STK11IP: variants seen among roughly 807,000 people sequenced by gnomAD.
STK11IP encodes serine/threonine kinase 11 interacting protein, also known as serine/threonine-protein kinase 11-interacting protein.
STK11IP carries 103 observed loss-of-function variants against 131.7 expected under a neutral mutation model. The ratio of observed to expected loss-of-function variants is 0.78; its 90% CI spans 0.67 to 0.92. STK11IP has a LOEUF of 0.92. STK11IP is among the 40% of genes least tolerant of loss of function. The pLI is 0.00. For missense variants in STK11IP, 1,315 were observed against 1,385.7 expected (o/e 0.95, Z 0.81); for synonymous variants, 557 against 575.6 (o/e 0.97, Z 0.46).
Position 219,607,063 on chromosome 2 carries a change from G to T in STK11IP, c.1145G>T (p.Arg382Leu), listed in dbSNP as rs17855575. 3.1e-6 allele frequency: 5 copies of T among 1,613,896 alleles called. No homozygotes were observed. The highest frequency in any genetic ancestry group is 1.3e-5 in the African/African-American group (1 of 75,042). ...CTCCACCAACCTCAGAGCCGAGTCC[G>T]TGTGAGGCGGGCAAGCATCTCTGAA... Reference protein sequence around the residue: ...PLLHKVKSRVRVRRASISEPS... With the variant: ...PLLHKVKSRVLVRRASISEPS... Residue 382 changes from arginine to leucine, a missense_variant, in exon 13 of 25, where the codon CGT becomes CTT. By Grantham distance (102) the Arg-to-Leu change is moderately radical. Coordinates refer to ENST00000456909, the MANE Select transcript of STK11IP (RefSeq NM_052902.4).
Position 219,614,249 on chromosome 2 carries a change from C to G in STK11IP, c.2798+7C>G. On this transcript the variant is annotated splice_region_variant and intron_variant, in intron 22 of 24. Transcript: ENST00000456909. ...CCCCCCAGCACCGGCTCTGGTGAGT[C>G]GATAGGAGGCAGAGGCTGGGGTTGC... 1.9e-6 allele frequency: 3 copies of G among 1,613,088 alleles called. No homozygotes were observed. Among genetic ancestry groups the G allele is most frequent in the African/African-American group, 1.3e-5 (1 of 75,018 alleles).
At chr2:219,601,744 A>C in intron 4 of STK11IP, 29 bp downstream of exon 4, 1 of 1,577,772 alleles carries the variant, frequency 6.3e-7, no homozygotes, top group Non-Finnish European at 8.6e-7. Flanking sequence ...ATGTTGGTGC[A>C]CAGCACCCAA....
At position 219,616,376 on chromosome 2, in the gene STK11IP, G is replaced by A. The variant is rs911681443; in HGVS notation, c.*183G>A. On this transcript the variant is annotated 3_prime_UTR_variant, in exon 25 of 25. Transcript: ENST00000456909. ...GCGAGAGAATGATCTGGCCTCAGGG[G>A]ACAGGCCACCTGGTCAGGAGGAATA... is the stretch of plus-strand genomic sequence containing the variant. The A allele has an allele frequency of 1.5e-4, 105 of 711,534 alleles. No individual in the cohort carries two copies. Among genetic ancestry groups the A allele is most frequent in the Admixed American group, 1.1e-3 (38 of 33,324 alleles). The allele number at this position is 711,534 out of a possible 1,614,324, so 44.1% of individuals were successfully genotyped here.
intron 5 of STK11IP, 104 bp downstream of exon 5, chr2:219,602,187 C>T (rs892909222): frequency 2.3e-6 from 2 of 859,076 alleles, no homozygotes; most frequent in Non-Finnish European, 3.7e-6. Flanking sequence ...CTCCTGCTTC[C>T]CTCTAGACAG....
chr2:219,615,568 C>T (rs1698547518), intron 24 of STK11IP: 1 of 674,792 alleles, frequency 1.5e-6, no homozygotes, highest in Non-Finnish European at 2.6e-6. Flanking sequence ...ACTGGGAGCC[C>T]AGCCATTTAG....
chr2:219,611,834 C>G lies in STK11IP; in HGVS notation c.2335C>G (p.Pro779Ala). The G allele has an allele frequency of 6.2e-7, 1 of 1,610,094 alleles. No individual in the cohort carries two copies. Among genetic ancestry groups the G allele is most frequent in the East Asian group, 2.2e-5 (1 of 44,700 alleles). The change falls in exon 18 of 25, where the codon CCC (proline) becomes GCC (alanine). Residue 779 changes from proline (P) to alanine (A), a missense_variant and splice_region_variant. Transcript: ENST00000456909. ...RDHGSWSLSP[P>A]PERCGLRSVD... is the part of the protein sequence containing the mutation. ...CCATGGTAGTTGGAGCCTCAGTCCC[C>G]GTGAGTATAGGCAAAACAAGACATA...
intron 7 of STK11IP, among the ~76,000 whole-genome samples, chr2:219,604,317 A>G (rs1690233402): frequency 6.6e-6 from 1 of 152,206 alleles, no homozygotes; most frequent in African/African-American, 2.4e-5. Context: ...TGCAGTTCTT[A>G]ACAGGCCAAA....
In STK11IP at chr2:219,601,438, A is replaced by T. The variant is rs1559176211; in HGVS notation, c.265A>T (p.Lys89Ter). The T allele has an allele frequency of 6.2e-7, 1 of 1,613,932 alleles. No homozygotes were observed. The highest frequency in any genetic ancestry group is 1.1e-5 in the South Asian group (1 of 91,076). The part of the protein sequence containing the change: ...FDVLQKTLSL[K>*]LVHVAGPGPT... The stretch of plus-strand genomic sequence containing the variant: ...TGTGCTGCAGAAAACACTTTCACTC[A>T]AGGTTCTGGGTGTGGGGAAGAGGCA... Residue 89 changes from lysine to a stop codon, truncating the protein, a stop_gained and splice_region_variant, in exon 3 of 25, where the codon AAG (lysine) becomes TAG (stop). Transcript: ENST00000456909. LOFTEE classifies it high-confidence loss of function.
intron 7 of STK11IP, among the ~76,000 whole-genome samples, chr2:219,603,762 C>T (rs1412970397): frequency 3.9e-5 from 6 of 152,134 alleles, no homozygotes; most frequent in Admixed American, 6.5e-5. Context: ...CCTCATGATC[C>T]GCCCACCTCA....
intron 17 of STK11IP, among the ~76,000 whole-genome samples, chr2:219,610,460 TG>T (rs1277824239): frequency 6.6e-6 from 1 of 152,088 alleles, no homozygotes; most frequent in East Asian, 1.9e-4. Flanking sequence ...TGGAGTGCAG[TG>T]GCACAACCTT....
In STK11IP at chr2:219,606,714, TCA is replaced by T. The variant is rs1698177386; in HGVS notation, c.995_996del (p.Thr332IlefsTer20). 6.2e-7 allele frequency: 1 copy of T among 1,607,626 alleles called. No individual in the cohort carries two copies. The highest frequency in any genetic ancestry group is 8.5e-7 in the Non-Finnish European group (1 of 1,175,932). On this transcript the variant is annotated frameshift_variant, in exon 12 of 25. Coordinates refer to ENST00000456909, the MANE Select transcript of STK11IP (RefSeq NM_052902.4). LOFTEE classifies it high-confidence loss of function. The stretch of plus-strand genomic sequence containing the variant: ...TCCTTCCTGTCGTCACGTGCCAGAC[TCA>T]CACATCCTTGGGGCTCAGCCCCATG... ...KVLSLTDFQT[H>X]TSLGLSPMGP...
rs1041427054 is a variant in STK11IP at position 219,602,465 on chromosome 2, C to A, written c.439-3C>A. The A allele has an allele frequency of 6.2e-7, 1 of 1,612,462 alleles. No homozygotes were observed. The highest frequency in any genetic ancestry group is 8.5e-7 in the Non-Finnish European group (1 of 1,178,924). ...GTAATGAAGCACCCATCTGTCTGCT[C>A]AGGAGCTCCTCTCAGCCTGCGGCGG... is the stretch of plus-strand genomic sequence containing the variant. On this transcript the variant is annotated splice_polypyrimidine_tract_variant and splice_region_variant and intron_variant, in intron 5 of 24. Transcript: ENST00000456909.
chr2:219,613,255 G>T (rs373946940), intron 20 of STK11IP, 30 bp downstream of exon 20: 4 of 1,322,030 alleles, frequency 3.0e-6, no homozygotes, highest in Non-Finnish European at 4.2e-6. Flanking sequence ...CAGTGAGTAA[G>T]GGGGGAGATG....
rs748061885 is a variant in STK11IP at position 219,597,967 on chromosome 2, A to G, written c.-27+44A>G. ...TATGTTCCTCGAAAGGGCGGCCAGG[A>G]GGATGCTCTTCCTCTCTTTTCTTTC... On this transcript the variant is annotated intron_variant, in intron 1 of 24. Transcript: ENST00000456909. 25 of 1,608,558 alleles carry G rather than the reference A, an allele frequency of 1.6e-5. No homozygotes were observed. The Admixed American group carries it at 3.9e-4, about 25-fold the overall frequency.
rs142084373 is a variant in STK11IP, at chr2:219,601,165, A to G, written c.62-70A>G. On this transcript the variant is annotated intron_variant, in intron 2 of 24. Coordinates refer to ENST00000456909, the MANE Select transcript of STK11IP (RefSeq NM_052902.4). ...ATTGGAGTGGGTATATTTTGGCATC[A>G]TAGAGCCTTAGAATAAAGAGAAAAA... 7.0e-4 allele frequency: 944 copies of G among 1,345,488 alleles called. 6 individuals are homozygous for G. The African/African-American group carries it at 0.012, about 16-fold the overall frequency. 83.3% of individuals were successfully genotyped at this position (1,345,488 alleles called of 1,614,324 possible). A position where few individuals can be genotyped will look rare whatever the true frequency, so the allele number is the denominator to read the frequency against.
At chr2:219,613,515 T>TG (rs1490646127) in intron 20 of STK11IP, among the ~76,000 whole-genome samples, 1 of 10,286 alleles carries the variant, frequency 9.7e-5, no homozygotes, top group African/African-American at 4.3e-4. Context: ...ATGGGGTGAG[T>TG]GGGGGGCGGA....
At position 219,608,392 on chromosome 2, in the gene STK11IP, A is replaced by G. The variant is rs369827406; in HGVS notation, c.1565A>G (p.Glu522Gly). 2.9e-4 allele frequency: 452 copies of G among 1,576,300 alleles called. 4 individuals are homozygous for G. The Middle Eastern group carries it at 0.015, about 52-fold the overall frequency. ...GAACAGGGAGAAGAGGAGGCAGGAG[A>G]GGAGGAAGAAGAGGAGCAGGACCAG... ...MVEQGEEEAG[E>G]EEEEEQDQKE... Residue 522 changes from glutamate to glycine, a missense_variant, in exon 14 of 25, where the codon GAG becomes GGG. Physicochemically the swap from Glu to Gly is moderately conservative, Grantham distance 98. Coordinates refer to ENST00000456909, the MANE Select transcript of STK11IP (RefSeq NM_052902.4).
chr2:219,601,129 C>A, intron 2 of STK11IP, 106 bp from the exon 3 acceptor site: 2 of 841,174 alleles, frequency 2.4e-6, no homozygotes, highest in Non-Finnish European at 3.7e-6. Context: ...AATAGAAGAT[C>A]TACAATATGG....
intron 2 of STK11IP, 60 bp from the exon 3 acceptor site, chr2:219,601,175 A>C: frequency 6.9e-7 from 1 of 1,441,328 alleles, no homozygotes. Context: ...ATAGAGCCTT[A>C]GAATAAAGAG....
Sources: gnomAD v4.1 joint callset for allele counts (sites outside exome capture counted in the v4.1 genomes callset) on GRCh38, gnomAD v4.1.1 for gene constraint, MANE v1.5 for transcripts, NCBI Gene and HGNC (gene_info 2026-07-23, HGNC 2026-07-21) for gene names.